Variants in SKOR2 observed in about 807,000 individuals in gnomAD.
SKOR2 encodes the protein LBX1 corepressor 1-like protein.
Under a neutral mutation model 69.1 loss-of-function variants are expected in SKOR2, and 47 were observed. The ratio of observed to expected loss-of-function variants is 0.68; its 90% CI spans 0.54 to 0.87. The LOEUF (loss-of-function observed/expected upper bound fraction) is 0.87, where lower values mean the gene tolerates loss of function less well. Ranked by LOEUF, SKOR2 falls within the 40% of genes least tolerant of loss-of-function variation. The probability of loss-of-function intolerance (pLI) is 0.00; values close to 1 mark genes in which losing one functional copy is unlikely to be tolerated. For synonymous variants in SKOR2, 717 were observed against 672.6 expected (o/e 1.07, Z -1.02); for missense variants, 1,404 against 1,472.2 (o/e 0.95, Z 0.76).
At chr18:47,209,367 A>C (rs2064121478) in intron 8 of SKOR2, among the ~76,000 whole-genome samples, 1 of 152,180 alleles carries the variant, frequency 6.6e-6, no homozygotes, top group Non-Finnish European at 1.5e-5. Context: ...GCAAGACAGA[A>C]TGTGTCTCTC....
At chr18:47,219,792 G>A (rs762170372) in intron 7 of SKOR2, 151 bp downstream of exon 7, 1 of 638,728 alleles carries the variant, frequency 1.6e-6, no homozygotes, top group East Asian at 2.8e-5. Context: ...CTGTGTCTAA[G>A]TAAATCTCTT....
Position 47,246,743 on chromosome 18 carries a change from A to T in SKOR2, c.2441T>A (p.Leu814Gln). ...PAVAGAFPLG[L>Q]NSSRLLQEDG... ...TTCCTGCAGCAGCCTGGAGGAGTTC[A>T]GGCCGAGCGGGAACGCGCCCGCGAC... Residue 814 changes from leucine to glutamine, a missense_variant, in exon 2 of 9, where the codon CTG (leucine) becomes CAG (glutamine). Leu to Gln is a moderately radical substitution (Grantham distance 113, BLOSUM62 -2). Around this residue, in one of 3 missense-constraint regions of SKOR2, gnomAD observed 1,266 missense variants for 1,309.9 expected, o/e 0.97. Transcript: ENST00000425639. The T allele has an allele frequency of 1.4e-6, 2 of 1,412,382 alleles. No individual in the cohort carries two copies. Among genetic ancestry groups the T allele is most frequent in the Non-Finnish European group, 1.8e-6 (2 of 1,094,310 alleles). 87.5% of individuals were successfully genotyped at this position (1,412,382 alleles called of 1,614,324 possible).
At chr18:47,244,492 T>C (rs1363721640) in intron 4 of SKOR2, among the ~76,000 whole-genome samples, 1 of 152,224 alleles carries the variant, frequency 6.6e-6, no homozygotes, top group East Asian at 1.9e-4. Context: ...TTTTTGTAAA[T>C]GTATTATACA....
At chr18:47,230,371 G>A (rs918522117) in intron 6 of SKOR2, 88 bp downstream of exon 6, 2 of 821,548 alleles carry the variant, frequency 2.4e-6, no homozygotes, top group Non-Finnish European at 3.4e-6. Flanking sequence ...TTGCACAATC[G>A]CTTAATACTT....
At position 47,248,248 on chromosome 18, in the gene SKOR2, G is replaced by C. The variant is rs2064292460; in HGVS notation, c.936C>G (p.Asp312Glu). Residue 312 changes from aspartate to glutamate, a missense_variant, in exon 2 of 9, where the codon GAC becomes GAG. Transcript: ENST00000425639. The surrounding 1 kb of genome is among the most constrained non-coding windows in gnomAD (Gnocchi z 6.4). ...CCTCCTGCAAGGAGTCGTCGTCGTC[G>C]TCGAAGCGCGGCCGCTTGTGATGGG... ...PHAHHKRPRF[D>E]DDDDSLQEAA... The C allele has an allele frequency of 8.2e-7, 1 of 1,222,446 alleles. No homozygotes were observed. 75.7% of individuals were successfully genotyped at this position (1,222,446 alleles called of 1,614,324 possible). A position where few individuals can be genotyped will look rare whatever the true frequency, so the allele number is the denominator to read the frequency against.
At chr18:47,251,049 C>A (rs956703013) in intron 1 of SKOR2, among the ~76,000 whole-genome samples, 2 of 147,722 alleles carry the variant, frequency 1.4e-5, no homozygotes, top group Admixed American at 1.3e-4. Flanking sequence ...AGTGTCTCCT[C>A]ACTTTTACCC....
At chr18:47,220,914 GGT>G (rs1157748342) in intron 6 of SKOR2, among the ~76,000 whole-genome samples, 1 of 152,050 alleles carries the variant, frequency 6.6e-6, no homozygotes, top group Non-Finnish European at 1.5e-5. Context: ...ACAGCCAACT[GGT>G]GTGTGAGTTC....
intron 4 of SKOR2, among the ~76,000 whole-genome samples, chr18:47,238,326 T>C (rs1402319908): frequency 1.2e-4 from 18 of 145,588 alleles, no homozygotes; most frequent in African/African-American, 2.3e-4. Flanking sequence ...TTTTCTTTTT[T>C]TTTTTTTTTT....
At chr18:47,208,031 A>T (rs1432686550) in intron 8 of SKOR2, among the ~76,000 whole-genome samples, 1 of 152,176 alleles carries the variant, frequency 6.6e-6, no homozygotes, top group Non-Finnish European at 1.5e-5. Context: ...CAAAAGTGAC[A>T]GCCAAAATTT....
At chr18:47,246,501 A>C in intron 2 of SKOR2, 70 bp downstream of exon 2, 2 of 1,416,010 alleles carry the variant, frequency 1.4e-6, no homozygotes, top group Non-Finnish European at 1.8e-6. Context: ...GCGCATATGT[A>C]ACCGATTCAG....
intron 7 of SKOR2, among the ~76,000 whole-genome samples, chr18:47,212,499 T>C (rs1164307158): frequency 6.6e-6 from 1 of 152,240 alleles, no homozygotes; most frequent in Non-Finnish European, 1.5e-5. Flanking sequence ...TTCTAATGTA[T>C]GTTCAAGGTC....
intron 7 of SKOR2, among the ~76,000 whole-genome samples, chr18:47,219,741 T>C (rs2064155315): frequency 6.6e-6 from 1 of 152,188 alleles, no homozygotes. Context: ...ACATGGTAGG[T>C]AGTTACATTT....
intron 8 of SKOR2, among the ~76,000 whole-genome samples, chr18:47,210,564 C>G (rs1201234859): frequency 6.6e-6 from 1 of 152,110 alleles, no homozygotes; most frequent in Admixed American, 6.5e-5. Context: ...CCTTAATTAT[C>G]TTGATATTCT....
Position 47,247,131 on chromosome 18 carries a change from C to T in SKOR2, c.2053G>A (p.Glu685Lys), listed in dbSNP as rs1473076887. The T allele has an allele frequency of 4.3e-5, 43 of 1,009,670 alleles. No individual in the cohort carries two copies. The highest frequency in any genetic ancestry group is 4.9e-5 in the Non-Finnish European group (41 of 843,346). 62.5% of individuals were successfully genotyped at this position (1,009,670 alleles called of 1,614,324 possible). ...PLLLLPPQPD[E>K]PGSERHHPAP... ...GGGTGGTGGCGCTCGGAACCCGGCT[C>T]GTCGGGCTGCGGGGGCAGCAGCAGA... is the stretch of plus-strand genomic sequence containing the variant. Residue 685 changes from glutamate (E) to lysine (K), a missense_variant, in exon 2 of 9, where the codon GAG (glutamate) becomes AAG (lysine). Transcript: ENST00000425639. This position sits in a 1 kb window ranked among gnomAD's most constrained non-coding sequence, Gnocchi z 6.6.
Position 47,247,195 on chromosome 18 carries a change from GTGGTGGTGAGGGTGGTGA to G in SKOR2, c.1971_1988del (p.Pro660_His665del). ...GCTGCGGGGGGTGGTGGTGGTGGTG[GTGGTGGTGAGGGTGGTGA>G]TGGTGGTGGGGATGCGTCTGGGCCG... On this transcript the variant is annotated inframe_deletion, in exon 2 of 9. Transcript: ENST00000425639. This position sits in a 1 kb window ranked among gnomAD's most constrained non-coding sequence, Gnocchi z 6.6. 7.3e-7 allele frequency: 1 copy of G among 1,377,194 alleles called. No individual in the cohort carries two copies. Among genetic ancestry groups the G allele is most frequent in the Non-Finnish European group, 9.4e-7 (1 of 1,066,638 alleles). The allele number at this position is 1,377,194 out of a possible 1,614,324, so 85.3% of individuals were successfully genotyped here.
chr18:47,223,941 TG>T (rs2064169940), intron 6 of SKOR2, among the ~76,000 whole-genome samples: 1 of 151,972 alleles, frequency 6.6e-6, no homozygotes, highest in Non-Finnish European at 1.5e-5. Context: ...AGTCTCACTC[TG>T]TCGCCCAGGC....
rs1461292454 is a variant in SKOR2, at chr18:47,245,077, C to T, written c.2678-95G>A. 12 of 927,174 alleles carry T rather than the reference C, an allele frequency of 1.3e-5. No homozygotes were observed. The African/African-American group carries it at 1.5e-4, about 12-fold the overall frequency. The allele number at this position is 927,174 out of a possible 1,614,324, so 57.4% of individuals were successfully genotyped here. A position where few individuals can be genotyped will look rare whatever the true frequency, so the allele number is the denominator to read the frequency against. ...TTTTTTTTTTGCAGGGAGGATGCTA[C>T]TTATTATATCTAAGTTTGAGAGCTA... On this transcript the variant is annotated intron_variant, in intron 3 of 8. Transcript: ENST00000425639.
intron 6 of SKOR2, among the ~76,000 whole-genome samples, chr18:47,224,516 C>T (rs1004091410): frequency 6.6e-6 from 1 of 152,178 alleles, no homozygotes; most frequent in Non-Finnish European, 1.5e-5. Context: ...ATCTGGTTCA[C>T]ATCTGGTTCA....
intron 1 of SKOR2, among the ~76,000 whole-genome samples, chr18:47,249,457 AT>A (rs573388364): frequency 6.2e-4 from 95 of 152,382 alleles, no homozygotes; most frequent in African/African-American, 2.2e-3. Context: ...TTTAAAGTGA[AT>A]TAACTATGTA....
Sources: gnomAD v4.1 joint callset for allele counts (sites outside exome capture counted in the v4.1 genomes callset) on GRCh38, gnomAD v4.1.1 for gene constraint, gnomAD v4.1.1 regional missense constraint, Gnocchi (gnomAD v3.1) non-coding constraint, MANE v1.5 for transcripts, NCBI Gene and HGNC (gene_info 2026-07-23, HGNC 2026-07-21) for gene names.